F5: variants seen among roughly 807,000 people sequenced by gnomAD.
The protein encoded by F5 is coagulation factor V.
Under a neutral mutation model 216.4 loss-of-function variants are expected in F5, and 138 were observed. That is an observed-to-expected ratio of 0.64 (90% confidence interval 0.56 to 0.73). F5 has a LOEUF of 0.73. Ranked by LOEUF, F5 falls within the 30% of genes least tolerant of loss-of-function variation. The pLI is 0.00. For synonymous variants in F5, 916 were observed against 930.7 expected (o/e 0.98, Z 0.29); for missense variants, 2,403 against 2,674.0 (o/e 0.90, Z 2.24).
At chr1:169,554,655 T>G (rs576258676) in intron 7 of F5, among the ~76,000 whole-genome samples, 1 of 152,372 alleles carries the variant, frequency 6.6e-6, no homozygotes, top group Admixed American at 6.5e-5. Flanking sequence ...TTTACCAATT[T>G]AATCTTCCAC....
chr1:169,561,827 G>A (rs534479478), intron 3 of F5, among the ~76,000 whole-genome samples: 12 of 151,900 alleles, frequency 7.9e-5, no homozygotes, highest in African/African-American at 4.8e-5. Context: ...TACATGATGG[G>A]GTAAAAGGCC....
chr1:169,566,873 AAT>A (rs1167920444), intron 3 of F5, among the ~76,000 whole-genome samples: 2 of 152,038 alleles, frequency 1.3e-5, no homozygotes, highest in Non-Finnish European at 2.9e-5. Context: ...TGTTGCAATT[AAT>A]ACAGCCTCTT....
rs368767261 is a variant in F5, at chr1:169,559,897, G to A, written c.587-601C>T. ...TTGGGCATGTATGTAGGTATGGCCTGAGCGTGTATGTATAGGCAGATGGTG... is the reference window on the plus strand; with the variant it reads ...TTGGGCATGTATGTAGGTATGGCCTAAGCGTGTATGTATAGGCAGATGGTG... On this transcript the variant is annotated intron_variant, in intron 4 of 24. Transcript: ENST00000367797. Among the ~76,000 whole-genome samples, 1,034 of 128,070 alleles carry A rather than the reference G, an allele frequency of 8.1e-3. 14 individuals are homozygous for A. The highest frequency in any genetic ancestry group is 0.038 in the African/African-American group (998 of 26,132). 84.0% of individuals were successfully genotyped at this position (128,070 alleles called of 152,430 possible).
Position 169,515,429 on chromosome 1 carries a change from C to A in F5, c.6528+15G>T. ...GTCTTCAGATTGCTTTCTCTTTGCCCAGATGCCACTCTACCTTGTCCACCA... is the reference window on the plus strand; with the variant it reads ...GTCTTCAGATTGCTTTCTCTTTGCCAAGATGCCACTCTACCTTGTCCACCA... On this transcript the variant is annotated intron_variant, in intron 24 of 24. Coordinates refer to ENST00000367797, the MANE Select transcript of F5 (RefSeq NM_000130.5). 5.6e-6 allele frequency: 9 copies of A among 1,612,676 alleles called. No homozygotes were observed. Among genetic ancestry groups the A allele is most frequent in the Non-Finnish European group, 7.6e-6 (9 of 1,179,402 alleles).
chr1:169,544,128 A>T (rs144237297), intron 12 of F5, among the ~76,000 whole-genome samples, 168 bp downstream of exon 12: 32 of 152,312 alleles, frequency 2.1e-4, no homozygotes, highest in Non-Finnish European at 4.4e-4. Flanking sequence ...GATCCATTTA[A>T]GTCATTAATT....
intron 18 of F5, among the ~76,000 whole-genome samples, chr1:169,525,332 A>C (rs1659420102): frequency 6.6e-6 from 1 of 152,026 alleles, no homozygotes; most frequent in Admixed American, 6.6e-5. Flanking sequence ...AAAAATAAAA[A>C]TACAAAATAT....
intron 3 of F5, among the ~76,000 whole-genome samples, chr1:169,565,935 A>C (rs1001371966): frequency 6.6e-6 from 1 of 152,104 alleles, no homozygotes; most frequent in Non-Finnish European, 1.5e-5. Flanking sequence ...AAATGATAAA[A>C]GCTTAAGTCA....
chr1:169,534,957 C>T (rs1235975389), intron 14 of F5, among the ~76,000 whole-genome samples: 3 of 152,114 alleles, frequency 2.0e-5, no homozygotes, highest in African/African-American at 7.2e-5. Context: ...CACATGTTCT[C>T]ACTTATAAGT....
At position 169,586,410 on chromosome 1, in the gene F5, C is replaced by T; in HGVS notation, c.-24G>A. ...ATGCTTCCTTTCCTGCTCCCGCTGG[C>T]TGCCACCACCCCAGGACCTGGGCAG... On this transcript the variant is annotated 5_prime_UTR_variant, in exon 1 of 25. Coordinates refer to ENST00000367797, the MANE Select transcript of F5 (RefSeq NM_000130.5). 2 of 1,607,098 alleles carry T rather than the reference C, an allele frequency of 1.2e-6. No individual in the cohort carries two copies. Among genetic ancestry groups the T allele is most frequent in the Non-Finnish European group, 1.7e-6 (2 of 1,178,552 alleles).
At position 169,542,490 on chromosome 1, in the gene F5, C is replaced by T. The variant is rs147637586; in HGVS notation, c.2600G>A (p.Gly867Glu). The T allele has an allele frequency of 1.2e-6, 2 of 1,614,084 alleles. No homozygotes were observed. The highest frequency in any genetic ancestry group is 4.5e-5 in the East Asian group (2 of 44,874). Residue 867 changes from glycine (G) to glutamate (E), a missense_variant, in exon 13 of 25, where the codon GGA (glycine) becomes GAA (glutamate). By Grantham distance (98) the Gly-to-Glu change is moderately conservative. Coordinates refer to ENST00000367797, the MANE Select transcript of F5 (RefSeq NM_000130.5). ...TGCTTGATCTCTTTCTACCTTGGGT[C>T]CCTTATGCTTAGCATGTTCTTGACT... The part of the protein sequence containing the change: ...FKSQEHAKHK[G>E]PKVERDQAAK...
intron 15 of F5, 60 bp from the exon 16 acceptor site, chr1:169,529,878 A>C: frequency 1.4e-6 from 2 of 1,392,056 alleles, no homozygotes; most frequent in Non-Finnish European, 2.0e-6. Flanking sequence ...CTCTTCTGAT[A>C]ATCACTCATC....
At chr1:169,582,277 A>G (rs990305088) in intron 2 of F5, among the ~76,000 whole-genome samples, 154 bp downstream of exon 2, 7 of 151,256 alleles carry the variant, frequency 4.6e-5, no homozygotes, top group Non-Finnish European at 4.4e-5. Flanking sequence ...TTCATTTTGC[A>G]CTGGGCCCCA....
At chr1:169,521,903 G>A (rs1659318535) in intron 21 of F5, among the ~76,000 whole-genome samples, 1 of 150,782 alleles carries the variant, frequency 6.6e-6, no homozygotes, top group Admixed American at 6.6e-5. Flanking sequence ...ACAGACGTGA[G>A]CCACTGCGCC....
At chr1:169,585,780 T>C (rs1661091127) in intron 1 of F5, among the ~76,000 whole-genome samples, 2 of 152,242 alleles carry the variant, frequency 1.3e-5, no homozygotes, top group Admixed American at 1.3e-4. Flanking sequence ...GTGTTCATTT[T>C]TAGTTTTAGA....
chr1:169,541,744 C>G lies in F5; in HGVS notation c.3346G>C (p.Gly1116Arg). 1 of 1,614,014 alleles carries G rather than the reference C, an allele frequency of 6.2e-7. No individual in the cohort carries two copies. The highest frequency in any genetic ancestry group is 8.5e-7 in the Non-Finnish European group (1 of 1,179,986). ...TCTGGGGGCACTGTCTGATAAAGAC[C>G]TGGAGGACAGCTTGCCTGACCAGTG... ...NDTGQASCPPGLYQTVPPEEH... is the reference protein window; with the variant it reads ...NDTGQASCPPRLYQTVPPEEH... The change falls in exon 13 of 25, where the codon GGT (glycine) becomes CGT (arginine). Residue 1116 changes from glycine to arginine, a missense_variant. This residue lies in a region of F5 where 1,425 missense variants were observed against 1,554.8 expected (regional missense o/e 0.92). Transcript: ENST00000367797.
chr1:169,567,226 C>A (rs1453171661), intron 3 of F5, among the ~76,000 whole-genome samples: 1 of 151,826 alleles, frequency 6.6e-6, no homozygotes, highest in Non-Finnish European at 1.5e-5. Context: ...ATCCTCATTA[C>A]CTAAAAATCT....
chr1:169,527,095 T>G (rs956173381), intron 17 of F5, among the ~76,000 whole-genome samples: 4 of 152,102 alleles, frequency 2.6e-5, no homozygotes. Flanking sequence ...AGGCAGCATG[T>G]GTTAGGTTGG....
rs1660677518 is a variant in F5, at chr1:169,569,417, TA to T, written c.373+2803del. Among the ~76,000 whole-genome samples the T allele has an allele frequency of 2.0e-5, 3 of 152,088 alleles. No individual in the cohort carries two copies. In the South Asian group the frequency reaches 6.2e-4, roughly 32 times the overall value. On this transcript the variant is annotated intron_variant, in intron 3 of 24. Transcript: ENST00000367797. Reference sequence around the variant, plus strand: ...TATATTTAAAATATGAGAATATAACTAAAAGAAAAGAATAATATTAAATTCT... The same window carrying T: ...TATATTTAAAATATGAGAATATAACTAAAGAAAAGAATAATATTAAATTCT...
At chr1:169,515,328 T>C (rs1461025937) in intron 24 of F5, 116 bp downstream of exon 24, 5 of 1,259,890 alleles carry the variant, frequency 4.0e-6, no homozygotes, top group Admixed American at 1.7e-5. Flanking sequence ...AACTAAGATT[T>C]AGAAGACTTA....
Sources: gnomAD v4.1 joint callset for allele counts (sites outside exome capture counted in the v4.1 genomes callset) on GRCh38, gnomAD v4.1.1 for gene constraint, gnomAD v4.1.1 regional missense constraint, MANE v1.5 for transcripts, NCBI Gene and HGNC (gene_info 2026-07-23, HGNC 2026-07-21) for gene names.